The following PXDNL variants were observed in gnomAD, a reference collection of about 807,000 sequenced individuals.
The protein encoded by PXDNL is peroxidasin like, also known as probable oxidoreductase PXDNL.
A neutral mutation model predicts 150.8 loss-of-function variants in PXDNL; 145 were observed. The observed-to-expected ratio is 0.96, with a 90% confidence interval of 0.84 to 1.10. The LOEUF is 1.10. Among genes scored for constraint, PXDNL ranks in the 50% least tolerant of loss-of-function variants. PXDNL has a pLI of 0.00. For missense variants in PXDNL, 2,087 were observed against 1,873.9 expected (o/e 1.11, Z -2.10); for synonymous variants, 757 against 725.7 (o/e 1.04, Z -0.69).
At chr8:51,584,923 G>C (rs367866282) in intron 3 of PXDNL, among the ~76,000 whole-genome samples, 1 of 152,072 alleles carries the variant, frequency 6.6e-6, no homozygotes, top group Admixed American at 6.6e-5. Flanking sequence ...GTTTTGTACC[G>C]GCAAGGGTAA....
chr8:51,610,574 C>T (rs1197670759), intron 2 of PXDNL, among the ~76,000 whole-genome samples: 1 of 152,102 alleles, frequency 6.6e-6, no homozygotes, highest in Non-Finnish European at 1.5e-5. Context: ...CAAATTACCG[C>T]CAATTCAATT....
At chr8:51,570,073 G>A (rs1289415695) in intron 3 of PXDNL, among the ~76,000 whole-genome samples, 3 of 151,874 alleles carry the variant, frequency 2.0e-5, no homozygotes, top group African/African-American at 7.3e-5. Context: ...TGCAGTGACC[G>A]GCTCAGAGAA....
chr8:51,502,581 G>A (rs1441315217), intron 4 of PXDNL, among the ~76,000 whole-genome samples: 5 of 152,082 alleles, frequency 3.3e-5, no homozygotes, highest in African/African-American at 9.7e-5. Context: ...AAGGAGTCAC[G>A]AGCCGGGTCT....
chr8:51,555,120 C>G (rs2130537210), intron 4 of PXDNL, among the ~76,000 whole-genome samples: 1 of 152,272 alleles, frequency 6.6e-6, no homozygotes, highest in Middle Eastern at 3.4e-3. Context: ...CGTTGGCTCA[C>G]AATTCTAGAG....
chr8:51,740,634 G>T (rs920710698), intron 1 of PXDNL, among the ~76,000 whole-genome samples: 6 of 151,906 alleles, frequency 3.9e-5, no homozygotes, highest in African/African-American at 1.2e-4. Flanking sequence ...CTTCCTTTGA[G>T]AATTTTTCTA....
chr8:51,344,371 C>T (rs983311677), intron 20 of PXDNL, among the ~76,000 whole-genome samples: 5 of 152,124 alleles, frequency 3.3e-5, no homozygotes, highest in African/African-American at 9.7e-5. Context: ...GCTCCCACCT[C>T]AGCTTCCTGA....
intron 6 of PXDNL, among the ~76,000 whole-genome samples, chr8:51,476,587 A>G (rs1328455753): frequency 9.9e-6 from 1 of 100,706 alleles, no homozygotes; most frequent in Non-Finnish European, 2.0e-5. Context: ...CATGAAATAA[A>G]ATAGATCACC....
chr8:51,421,151 G>C (rs1402850374), intron 14 of PXDNL, among the ~76,000 whole-genome samples: 7 of 152,126 alleles, frequency 4.6e-5, no homozygotes, highest in African/African-American at 1.7e-4. Flanking sequence ...AGAGAGAGAG[G>C]ATGTTTGTTT....
intron 1 of PXDNL, among the ~76,000 whole-genome samples, chr8:51,758,832 A>T (rs1168465363): frequency 3.3e-5 from 5 of 152,092 alleles, no homozygotes; most frequent in African/African-American, 1.2e-4. Flanking sequence ...GTAAAAATGG[A>T]CTCATACAGC....
chr8:51,400,949 C>A (rs73579675), intron 17 of PXDNL, among the ~76,000 whole-genome samples: 3,550 of 152,242 alleles, frequency 0.023, 120 homozygotes, highest in African/African-American at 0.081. Flanking sequence ...CAAATCAAAG[C>A]CTCTTGGAAA....
At chr8:51,680,074 C>G (rs1034383942) in intron 1 of PXDNL, among the ~76,000 whole-genome samples, 1 of 152,258 alleles carries the variant, frequency 6.6e-6, no homozygotes, top group African/African-American at 2.4e-5. Flanking sequence ...CACTTGATCT[C>G]TTCATTTACA....
At chr8:51,322,537 C>T (rs1173858624) in intron 21 of PXDNL, among the ~76,000 whole-genome samples, 1 of 152,060 alleles carries the variant, frequency 6.6e-6, no homozygotes, top group African/African-American at 2.4e-5. Flanking sequence ...GAAATAACAT[C>T]ACAATGATCA....
intron 17 of PXDNL, among the ~76,000 whole-genome samples, chr8:51,396,477 C>G (rs1273631193): frequency 6.6e-6 from 1 of 152,232 alleles, no homozygotes; most frequent in Non-Finnish European, 1.5e-5. Flanking sequence ...AATAAACAGG[C>G]TGGGTGCAGT....
At chr8:51,427,432 T>C (rs111947665) in intron 12 of PXDNL, among the ~76,000 whole-genome samples, 1 of 151,614 alleles carries the variant, frequency 6.6e-6, no homozygotes, top group Non-Finnish European at 1.5e-5. Flanking sequence ...AGAAGATAAC[T>C]ACAAACAAAG....
chr8:51,552,377 C>G (rs1336611586), intron 4 of PXDNL, among the ~76,000 whole-genome samples: 1 of 152,244 alleles, frequency 6.6e-6, no homozygotes, highest in East Asian at 1.9e-4. Flanking sequence ...GACACATGCA[C>G]AACTATGTTT....
At chr8:51,477,044 G>A (rs1420400245) in intron 6 of PXDNL, among the ~76,000 whole-genome samples, 3 of 152,142 alleles carry the variant, frequency 2.0e-5, no homozygotes, top group African/African-American at 7.2e-5. Flanking sequence ...CACGTTACTG[G>A]AAGAGACAAA....
chr8:51,744,088 A>G (rs2036942868), intron 1 of PXDNL, among the ~76,000 whole-genome samples: 1 of 120,398 alleles, frequency 8.3e-6, no homozygotes, highest in African/African-American at 3.4e-5. Context: ...GAAGGAAGGA[A>G]GGAAGGAAAG....
chr8:51,616,412 G>A (rs1017116881), intron 2 of PXDNL, among the ~76,000 whole-genome samples: 1 of 152,076 alleles, frequency 6.6e-6, no homozygotes, highest in African/African-American at 2.4e-5. Flanking sequence ...GATTTTCTTT[G>A]GGCCAAAAAC....
At chr8:51,331,743 C>T (rs886581899) in intron 21 of PXDNL, among the ~76,000 whole-genome samples, 1 of 152,056 alleles carries the variant, frequency 6.6e-6, no homozygotes, top group Non-Finnish European at 1.5e-5. Flanking sequence ...CTGCATGACT[C>T]AGCAGAGGCA....
Sources: gnomAD v4.1 joint callset for allele counts (sites outside exome capture counted in the v4.1 genomes callset) on GRCh38, gnomAD v4.1.1 for gene constraint, MANE v1.5 for transcripts, NCBI Gene and HGNC (gene_info 2026-07-23, HGNC 2026-07-21) for gene names.